WDCP: variants seen among roughly 807,000 people sequenced by gnomAD.
The protein encoded by WDCP is WD repeat and coiled-coil-containing protein.
In WDCP, 19 loss-of-function variants were observed where a neutral mutation model predicts 41.6. The observed-to-expected ratio is 0.46, with a 90% CI of 0.32 to 0.67. The LOEUF (loss-of-function observed/expected upper bound fraction) is 0.67. Among genes scored for constraint, WDCP ranks in the 30% least tolerant of loss-of-function variants. The probability of loss-of-function intolerance (pLI) is 0.04; values close to 1 mark genes in which losing one functional copy is unlikely to be tolerated. For synonymous variants in WDCP, 302 were observed against 320.8 expected (o/e 0.94, Z 0.63); for missense variants, 802 against 850.7 (o/e 0.94, Z 0.71).
chr2:24,032,821 C>G lies in WDCP; in HGVS notation c.1936+8G>C, dbSNP rs373761564. On this transcript the variant is annotated splice_region_variant and intron_variant, in intron 3 of 3. Coordinates refer to ENST00000295148, the MANE Select transcript of WDCP (RefSeq NM_025203.3). ...GTTAGCTAGGGTCAATTTCTGAGCA[C>G]GACCTACCATGTAGCATTTCAATGA... 3.9e-6 allele frequency: 6 copies of G among 1,537,166 alleles called. No individual in the cohort carries two copies. Among genetic ancestry groups the G allele is most frequent in the East Asian group, 4.5e-5 (2 of 44,544 alleles).
At position 24,038,577 on chromosome 2, in the gene WDCP, C is replaced by A. The variant is rs755915811; in HGVS notation, c.918G>T (p.Lys306Asn). The A allele has an allele frequency of 6.2e-7, 1 of 1,614,020 alleles. No individual in the cohort carries two copies. The highest frequency in any genetic ancestry group is 8.5e-7 in the Non-Finnish European group (1 of 1,179,968). The change falls in exon 2 of 4, where the codon AAG becomes AAT. Residue 306 changes from lysine (K) to asparagine (N), a missense_variant. Physicochemically the swap from Lys to Asn is moderately conservative, Grantham distance 94 (BLOSUM62 0). Transcript: ENST00000295148. The stretch of plus-strand genomic sequence containing the variant: ...CTTGGCCAGTTCCTGTCAAGTAGTC[C>A]TTTTTTCTTAGACAAATAAGAGAAT... Reference protein sequence around the residue: ...EGNSLICLRKKDYLTGTGQDS... With the variant: ...EGNSLICLRKNDYLTGTGQDS...
intron 3 of WDCP, among the ~76,000 whole-genome samples, chr2:24,032,214 A>T (rs1432711919): frequency 6.6e-6 from 1 of 151,860 alleles, no homozygotes; most frequent in Non-Finnish European, 1.5e-5. Context: ...ATCTACAAAC[A>T]TTTTTTTTAA....
Position 24,037,707 on chromosome 2 carries a change from T to C in WDCP, c.1788A>G (p.Gln596=), listed in dbSNP as rs1663297355. ...KKSSSVYPLS[Q]DLPYVHIIYQ... ...AAATGATGTGAACATAAGGAAGATC[T>C]TGAGAGAGTGGATACACTGAAGAGG... The change falls in exon 2 of 4, where the codon CAA becomes CAG. Residue 596 remains glutamine, a synonymous_variant. Transcript: ENST00000295148. The C allele has an allele frequency of 6.2e-7, 1 of 1,613,604 alleles. No individual in the cohort carries two copies.
In WDCP at chr2:24,029,897, C is replaced by T. The variant is rs1401723307; in HGVS notation, c.*1036G>A. ...TGTTACCATCTGAAGTGGGTCAGGG[C>T]TCTTACCTGACTAAGCTGGTACTTT... On this transcript the variant is annotated 3_prime_UTR_variant, in exon 4 of 4. Coordinates refer to ENST00000295148, the MANE Select transcript of WDCP (RefSeq NM_025203.3). 9.2e-5 allele frequency: 14 copies of T among 152,566 alleles called. No homozygotes were observed. The highest frequency in any genetic ancestry group is 9.2e-4 in the Admixed American group (14 of 15,264). 9.5% of individuals were successfully genotyped at this position (152,566 alleles called of 1,614,324 possible).
chr2:24,039,827 C>T (rs1464730972), intron 1 of WDCP, among the ~76,000 whole-genome samples: 1 of 151,806 alleles, frequency 6.6e-6, no homozygotes, highest in Non-Finnish European at 1.5e-5. Flanking sequence ...GACGGAGTCT[C>T]ACTCTTGTTG....
Position 24,036,097 on chromosome 2 carries a change from T to TAA in WDCP, c.1818+1578_1818+1579dup, listed in dbSNP as rs747786679. On this transcript the variant is annotated intron_variant, in intron 2 of 3. Transcript: ENST00000295148. The stretch of plus-strand genomic sequence containing the variant: ...ATAAATAAATAAATAAATAAATAAA[T>TAA]AAATAAATAAAATAAAATGCTCCTC... Among the ~76,000 whole-genome samples the TAA allele has an allele frequency of 6.1e-5, 9 of 148,648 alleles. No homozygotes were observed. In the South Asian group the frequency reaches 6.3e-4, roughly 10 times the overall value.
chr2:24,034,159 G>C (rs1312200959), intron 2 of WDCP, among the ~76,000 whole-genome samples: 3 of 152,080 alleles, frequency 2.0e-5, no homozygotes, highest in African/African-American at 7.2e-5. Context: ...GGTGGCTCAC[G>C]CCTGTAATCC....
chr2:24,044,303 T>C (rs998469055), intron 1 of WDCP, among the ~76,000 whole-genome samples: 4 of 152,052 alleles, frequency 2.6e-5, no homozygotes, highest in African/African-American at 9.7e-5. Context: ...ACAGTCTTGC[T>C]CCGTTACCCA....
Position 24,029,414 on chromosome 2 carries a change from T to C in WDCP, c.*1519A>G, listed in dbSNP as rs1467953215. 6.6e-6 allele frequency: 1 copy of C among 152,250 alleles called. No individual in the cohort carries two copies. Among genetic ancestry groups the C allele is most frequent in the African/African-American group, 2.4e-5 (1 of 41,474 alleles). 9.4% of individuals were successfully genotyped at this position (152,250 alleles called of 1,614,324 possible). On this transcript the variant is annotated 3_prime_UTR_variant, in exon 4 of 4. Coordinates refer to ENST00000295148, the MANE Select transcript of WDCP (RefSeq NM_025203.3). ...GACCTGAGAAATGGTGATTTTAACA[T>C]ACCCTTTTAGGTGCCCACATTGATC...
intron 1 of WDCP, among the ~76,000 whole-genome samples, chr2:24,041,980 T>C (rs904100844): frequency 6.6e-6 from 1 of 152,008 alleles, no homozygotes; most frequent in Non-Finnish European, 1.5e-5. Context: ...TACTATTTAA[T>C]GTAAAATGAA....
intron 3 of WDCP, among the ~76,000 whole-genome samples, chr2:24,031,667 A>T (rs1663098024): frequency 6.6e-6 from 1 of 152,138 alleles, no homozygotes; most frequent in Non-Finnish European, 1.5e-5. Context: ...TCTACTAAAA[A>T]TACAAAATAT....
intron 1 of WDCP, among the ~76,000 whole-genome samples, chr2:24,042,805 G>A (rs901076781): frequency 2.0e-5 from 3 of 152,004 alleles, no homozygotes; most frequent in African/African-American, 4.8e-5. Flanking sequence ...GGCCGAGGCG[G>A]GCAGATCACC....
intron 3 of WDCP, 36 bp from the exon 4 acceptor site, chr2:24,031,198 T>G: frequency 6.8e-7 from 1 of 1,473,840 alleles, no homozygotes; most frequent in South Asian, 1.2e-5. Flanking sequence ...CAATTTAGTA[T>G]ATATTATTCT....
intron 1 of WDCP, among the ~76,000 whole-genome samples, chr2:24,045,075 G>A (rs1663569446): frequency 6.6e-6 from 1 of 152,150 alleles, no homozygotes; most frequent in African/African-American, 2.4e-5. Context: ...GACCTGAGAA[G>A]GAAGAAAGTT....
chr2:24,030,891 T>C lies in WDCP; in HGVS notation c.*42A>G. On this transcript the variant is annotated 3_prime_UTR_variant, in exon 4 of 4. Transcript: ENST00000295148. ...AGTGTCAAGCAGGCCTTGTTTGTAA[T>C]GGTCTCATCTGAAGAGCTACACAGC... 1.4e-6 allele frequency: 2 copies of C among 1,462,312 alleles called. No individual in the cohort carries two copies. Among genetic ancestry groups the C allele is most frequent in the Non-Finnish European group, 1.9e-6 (2 of 1,048,780 alleles). 90.6% of individuals were successfully genotyped at this position (1,462,312 alleles called of 1,614,324 possible). A position where few individuals can be genotyped will look rare whatever the true frequency, so the allele number is the denominator to read the frequency against.
chr2:24,031,116 C>G lies in WDCP; in HGVS notation c.1983G>C (p.Pro661=). Residue 661 remains proline (P), a synonymous_variant, in exon 4 of 4, where the codon CCG becomes CCC. Coordinates refer to ENST00000295148, the MANE Select transcript of WDCP (RefSeq NM_025203.3). The stretch of plus-strand genomic sequence containing the variant: ...TTTCCTGTGTGGCTGTGAAGGTTAA[C>G]GGGATAAAGCCCTCACTGTCAGCAG... ...LLSADSEGFI[P]LTFTATQEII... 1 of 1,614,120 alleles carries G rather than the reference C, an allele frequency of 6.2e-7. No homozygotes were observed. The highest frequency in any genetic ancestry group is 8.5e-7 in the Non-Finnish European group (1 of 1,180,014).
rs1469632773 is a variant in WDCP at position 24,037,875 on chromosome 2, A to AGGAG, written c.1616_1619dup (p.Arg541SerfsTer12). 21 of 1,614,046 alleles carry AGGAG rather than the reference A, an allele frequency of 1.3e-5. No individual in the cohort carries two copies. The highest frequency in any genetic ancestry group is 1.8e-5 in the Non-Finnish European group (21 of 1,180,036). On this transcript the variant is annotated frameshift_variant, in exon 2 of 4. Coordinates refer to ENST00000295148, the MANE Select transcript of WDCP (RefSeq NM_025203.3). LOFTEE classifies it high-confidence loss of function. Reference sequence around the variant, plus strand: ...GTAAGTTCTTTCTTTGAGGCAAACGAGGAGGCTCCAGTGTGCTGGTGTGGT... The same window carrying AGGAG: ...GTAAGTTCTTTCTTTGAGGCAAACGAGGAGGGAGGCTCCAGTGTGCTGGTGTGGT...
chr2:24,045,432 T>C (rs1403368513), intron 1 of WDCP, among the ~76,000 whole-genome samples: 2 of 150,568 alleles, frequency 1.3e-5, no homozygotes, highest in Non-Finnish European at 3.0e-5. Flanking sequence ...TGAAACCCTG[T>C]CTCTACTAAA....
intron 2 of WDCP, chr2:24,033,274 G>T: frequency 2.2e-6 from 1 of 464,068 alleles, no homozygotes; most frequent in South Asian, 1.7e-5. Context: ...ACACCTTCTT[G>T]GCTGTTTCAG....
Sources: gnomAD v4.1 joint callset for allele counts (sites outside exome capture counted in the v4.1 genomes callset) on GRCh38, gnomAD v4.1.1 for gene constraint, MANE v1.5 for transcripts, NCBI Gene and HGNC (gene_info 2026-07-23, HGNC 2026-07-21) for gene names.